IRGM: variants seen among roughly 807,000 people sequenced by gnomAD.
IRGM encodes the protein immunity related GTPase M.
For missense variants in IRGM, 288 were observed against 219.9 expected, an observed-to-expected ratio of 1.31 and a Z score of -1.96; for synonymous variants, 98 against 80.6, an observed-to-expected ratio of 1.22 and a Z score of -1.16.
intron 1 of IRGM, among the ~76,000 whole-genome samples, chr5:150,869,239 G>A (rs551533313): frequency 7.2e-5 from 11 of 151,946 alleles, no homozygotes; most frequent in African/African-American, 1.7e-4. Flanking sequence ...TGAGATGATC[G>A]TGTGAATTTG....
intron 3 of IRGM, chr5:150,898,032 T>TA (rs1346699433): frequency 3.1e-6 from 5 of 1,599,766 alleles, no homozygotes; most frequent in Non-Finnish European, 3.4e-6. Flanking sequence ...ACCAATCAAT[T>TA]AAAAAAACAT....
rs1357083566 is a variant in IRGM at position 150,868,154 on chromosome 5, T to C, written c.159-9826T>C. Reference sequence around the variant, plus strand: ...ATCTTGAGTTGATTTTTATATAAGATGAGAGATAAGTATCCAGTTTCATTC... The same window carrying C: ...ATCTTGAGTTGATTTTTATATAAGACGAGAGATAAGTATCCAGTTTCATTC... On this transcript the variant is annotated intron_variant and NMD_transcript_variant, in intron 1 of 3. Transcript: ENST00000520549. 2.0e-5 allele frequency among the ~76,000 whole-genome samples: 3 copies of C among 152,178 alleles called. No homozygotes were observed. The East Asian group carries it at 5.8e-4, about 29-fold the overall frequency.
At chr5:150,887,605 A>G (rs1754545514) in intron 3 of IRGM, among the ~76,000 whole-genome samples, 1 of 151,524 alleles carries the variant, frequency 6.6e-6, no homozygotes, top group Admixed American at 6.6e-5. Context: ...AAGATTCTAC[A>G]GAAGAAGATC....
intron 1 of IRGM, among the ~76,000 whole-genome samples, chr5:150,864,776 T>C (rs1359086515): frequency 6.6e-6 from 1 of 152,260 alleles, no homozygotes; most frequent in Non-Finnish European, 1.5e-5. Context: ...TAAGCCACTA[T>C]TGTAAATGCA....
intron 3 of IRGM, among the ~76,000 whole-genome samples, chr5:150,880,526 T>G (rs962715839): frequency 1.3e-5 from 2 of 152,196 alleles, no homozygotes; most frequent in African/African-American, 4.8e-5. Flanking sequence ...GTTTGCCCTA[T>G]GCAGAGGTCC....
chr5:150,851,263 G>C (rs1753970372), downstream of IRGM, among the ~76,000 whole-genome samples: 1 of 152,186 alleles, frequency 6.6e-6, no homozygotes, highest in Non-Finnish European at 1.5e-5. Context: ...AGCAGGTGAA[G>C]AGTCAGATAA....
downstream of IRGM, among the ~76,000 whole-genome samples, chr5:150,852,024 A>C (rs1198674444): frequency 7.1e-6 from 1 of 140,684 alleles, no homozygotes; most frequent in Non-Finnish European, 1.6e-5. Flanking sequence ...CAGTGCAAAA[A>C]TATATGTTTT....
At chr5:150,893,673 A>G (rs1168570132) in intron 3 of IRGM, among the ~76,000 whole-genome samples, 2 of 152,148 alleles carry the variant, frequency 1.3e-5, no homozygotes, top group Admixed American at 6.6e-5. Flanking sequence ...CAATGTAACT[A>G]TTGATGAAAA....
At chr5:150,856,512 ATTCTAT>A (rs1754052317) in intron 1 of IRGM, among the ~76,000 whole-genome samples, 1 of 151,990 alleles carries the variant, frequency 6.6e-6, no homozygotes, top group Admixed American at 6.6e-5. Flanking sequence ...ATTTTTAAAC[ATTCTAT>A]TTATATTTGT....
chr5:150,882,311 A>G (rs1324461376), intron 3 of IRGM, among the ~76,000 whole-genome samples: 2 of 152,140 alleles, frequency 1.3e-5, no homozygotes. Context: ...GAAGAAAGGA[A>G]CAAAGAATCT....
chr5:150,867,799 G>A lies in IRGM; in HGVS notation c.159-10181G>A, dbSNP rs573850588. 1.7e-3 allele frequency among the ~76,000 whole-genome samples: 254 copies of A among 150,300 alleles called. 2 individuals are homozygous for A. Among genetic ancestry groups the A allele is most frequent in the Middle Eastern group, 6.9e-3 (2 of 290 alleles). ...CTTCTTTTGAGAATTGTCTGTTCAC[G>A]TCCTTAGCCCACGTATTGATGGGAT... On this transcript the variant is annotated intron_variant and NMD_transcript_variant, in intron 1 of 3. Coordinates refer to the IRGM transcript ENST00000520549.
At chr5:150,892,610 TAGAA>T (rs1263613370) in intron 3 of IRGM, among the ~76,000 whole-genome samples, 1 of 152,140 alleles carries the variant, frequency 6.6e-6, no homozygotes, top group African/African-American at 2.4e-5. Context: ...TAATGTTAAC[TAGAA>T]AGAGTCAAGT....
At chr5:150,892,668 G>T (rs892620048) in intron 3 of IRGM, among the ~76,000 whole-genome samples, 1 of 152,024 alleles carries the variant, frequency 6.6e-6, no homozygotes, top group Non-Finnish European at 1.5e-5. Flanking sequence ...GATGTTTACT[G>T]TAGGTTTTTT....
At chr5:150,884,444 G>T (rs964861067) in intron 3 of IRGM, among the ~76,000 whole-genome samples, 1 of 152,028 alleles carries the variant, frequency 6.6e-6, no homozygotes, top group Non-Finnish European at 1.5e-5. Flanking sequence ...CCAGTAATGG[G>T]ATTGCTGATT....
chr5:150,852,694 G>A (rs1293732185), downstream of IRGM, among the ~76,000 whole-genome samples: 1 of 151,996 alleles, frequency 6.6e-6, no homozygotes, highest in African/African-American at 2.4e-5. Flanking sequence ...GAATGGAAAA[G>A]GCCAATTCTC....
intron 3 of IRGM, among the ~76,000 whole-genome samples, chr5:150,893,973 G>C (rs1417199847): frequency 3.3e-5 from 5 of 152,012 alleles, no homozygotes; most frequent in Non-Finnish European, 5.9e-5. Context: ...CCTGTCCAGT[G>C]AATGGCATCT....
intron 2 of IRGM, among the ~76,000 whole-genome samples, chr5:150,878,450 T>A (rs1754397751): frequency 6.6e-6 from 1 of 152,066 alleles, no homozygotes; most frequent in Admixed American, 6.6e-5. Flanking sequence ...TTCCTCTACC[T>A]CTTCCTTCCT....
intron 1 of IRGM, among the ~76,000 whole-genome samples, chr5:150,854,701 T>G (rs1327508787): frequency 1.3e-5 from 2 of 152,154 alleles, no homozygotes; most frequent in Non-Finnish European, 2.9e-5. Flanking sequence ...GAGAATAGCT[T>G]GTATATGATG....
chr5:150,860,495 A>G (rs1432470626), intron 1 of IRGM, among the ~76,000 whole-genome samples: 2 of 152,220 alleles, frequency 1.3e-5, no homozygotes, highest in Non-Finnish European at 2.9e-5. Context: ...AATATACTTG[A>G]TTGCAATGCC....
Sources: gnomAD v4.1 joint callset for allele counts (sites outside exome capture counted in the v4.1 genomes callset) on GRCh38, gnomAD v4.1.1 for gene constraint, MANE v1.5 for transcripts, NCBI Gene and HGNC (gene_info 2026-07-23, HGNC 2026-07-21) for gene names.